Variants in PVT1 observed in about 807,000 individuals in gnomAD.
PVT1 encodes Pvt1 oncogene, also known as CXCR4/PVT1 fusion.
At chr8:128,043,366 G>A (rs879183151) in intron 4 of PVT1, among the ~76,000 whole-genome samples, 8 of 152,162 alleles carry the variant, frequency 5.3e-5, no homozygotes, top group Admixed American at 5.2e-4. Flanking sequence ...CTCACAGGCT[G>A]GGGGTCAGGA....
At position 127,974,391 on chromosome 8, in the gene PVT1, GCATCATCAT is replaced by G. The variant is rs151336453; in HGVS notation, n.783-14755_783-14747del. On this transcript the variant is annotated intron_variant and non_coding_transcript_variant, in intron 3 of 10. Coordinates refer to ENST00000651587, the Ensembl canonical transcript of PVT1. Reference sequence around the variant, plus strand: ...ATTGAAGTTTTCCCAAAAAAAGTCAGCATCATCATCATCATCATCATCATTATTATTAAT... The same window carrying G: ...ATTGAAGTTTTCCCAAAAAAAGTCAGCATCATCATCATCATTATTATTAAT... 4.6e-5 allele frequency among the ~76,000 whole-genome samples: 7 copies of G among 151,866 alleles called. No homozygotes were observed. The South Asian group carries it at 1.5e-3, about 32-fold the overall frequency.
chr8:128,026,411 C>G (rs192846726), intron 4 of PVT1, among the ~76,000 whole-genome samples: 119 of 152,122 alleles, frequency 7.8e-4, no homozygotes, highest in African/African-American at 2.7e-3. Flanking sequence ...TTTGGGCTCT[C>G]ATTTAATCTC....
At chr8:128,068,999 A>T (rs1813948294) in intron 4 of PVT1, among the ~76,000 whole-genome samples, 1 of 152,220 alleles carries the variant, frequency 6.6e-6, no homozygotes, top group African/African-American at 2.4e-5. Flanking sequence ...CTTGCAGCCT[A>T]TTGCACTTCA....
At chr8:127,902,442 A>G (rs903716536) in intron 3 of PVT1, among the ~76,000 whole-genome samples, 20 of 128,728 alleles carry the variant, frequency 1.6e-4, no homozygotes, top group African/African-American at 5.7e-4. Flanking sequence ...TTTTTTTTTC[A>G]CTTTTTATTT....
At chr8:128,072,932 C>A (rs1814015337) in intron 5 of PVT1, among the ~76,000 whole-genome samples, 1 of 152,076 alleles carries the variant, frequency 6.6e-6, no homozygotes, top group African/African-American at 2.4e-5. Context: ...CTCCTGGGTT[C>A]CAGCAATTCT....
chr8:127,866,558 G>A (rs1049894713), intron 2 of PVT1, among the ~76,000 whole-genome samples: 3 of 152,130 alleles, frequency 2.0e-5, no homozygotes, highest in Non-Finnish European at 4.4e-5. Context: ...CTATCTAATA[G>A]AGACAGGAGT....
chr8:127,990,814 C>G (rs898243977), intron 4 of PVT1, among the ~76,000 whole-genome samples: 2 of 152,220 alleles, frequency 1.3e-5, no homozygotes, highest in African/African-American at 2.4e-5. Context: ...GGTGGGGATA[C>G]TGGCACACAT....
chr8:128,091,479 C>T (rs1380025307), intron 5 of PVT1, among the ~76,000 whole-genome samples: 1 of 152,196 alleles, frequency 6.6e-6, no homozygotes, highest in Non-Finnish European at 1.5e-5. Context: ...CCAACATGTC[C>T]TTTACATTCT....
At chr8:127,850,718 G>C (rs1815098164) in intron 2 of PVT1, among the ~76,000 whole-genome samples, 1 of 152,204 alleles carries the variant, frequency 6.6e-6, no homozygotes, top group Non-Finnish European at 1.5e-5. Context: ...GCCTTTTTAA[G>C]TTAAGAACAT....
At chr8:128,047,996 T>G (rs1451707940) in intron 4 of PVT1, among the ~76,000 whole-genome samples, 1 of 152,228 alleles carries the variant, frequency 6.6e-6, no homozygotes, top group Non-Finnish European at 1.5e-5. Context: ...ATGCTGACTT[T>G]TTAAAGAATA....
chr8:127,999,575 C>T (rs992288162), intron 4 of PVT1, among the ~76,000 whole-genome samples: 2 of 152,060 alleles, frequency 1.3e-5, no homozygotes, highest in African/African-American at 2.4e-5. Flanking sequence ...GATCCTCCTG[C>T]GTCAGCCTCC....
intron 3 of PVT1, among the ~76,000 whole-genome samples, chr8:127,983,666 C>T (rs1403974298): frequency 6.6e-6 from 1 of 152,082 alleles, no homozygotes; most frequent in African/African-American, 2.4e-5. Context: ...GTGTGCTCCC[C>T]AAGGATAACG....
intron 4 of PVT1, among the ~76,000 whole-genome samples, chr8:128,016,543 T>C (rs1452365773): frequency 1.3e-5 from 2 of 152,222 alleles, no homozygotes; most frequent in African/African-American, 4.8e-5. Context: ...ATGAATGGAA[T>C]GGCTAATGCT....
intron 2 of PVT1, among the ~76,000 whole-genome samples, chr8:127,882,453 G>A (rs1310353764): frequency 6.6e-6 from 1 of 152,074 alleles, no homozygotes; most frequent in Non-Finnish European, 1.5e-5. Flanking sequence ...AGATAAAGGA[G>A]ACATCGTCTT....
At chr8:127,894,049 A>T (rs958439793) in intron 3 of PVT1, among the ~76,000 whole-genome samples, 2 of 152,196 alleles carry the variant, frequency 1.3e-5, no homozygotes, top group Non-Finnish European at 2.9e-5. Context: ...TCAGCCACTT[A>T]GAAGAGCCCT....
intron 2 of PVT1, among the ~76,000 whole-genome samples, chr8:127,796,493 C>T (rs1241909799): frequency 6.6e-6 from 1 of 151,994 alleles, no homozygotes; most frequent in Non-Finnish European, 1.5e-5. Context: ...TTTTCCGCCT[C>T]CTGAGCGGTA....
chr8:127,918,053 A>G (rs1428676747), intron 3 of PVT1, among the ~76,000 whole-genome samples: 2 of 152,370 alleles, frequency 1.3e-5, no homozygotes, highest in South Asian at 2.1e-4. Flanking sequence ...TGATGAAAGT[A>G]GTTGACATTT....
At position 127,970,443 on chromosome 8, in the gene PVT1, G is replaced by A. The variant is rs550784723; in HGVS notation, n.783-18719G>A. ...CTCCCGAGTAGCTGGGACTACAGGC[G>A]CCCGCCACCATGCCTGGCTAATTTT... On this transcript the variant is annotated intron_variant and non_coding_transcript_variant, in intron 3 of 10. Coordinates refer to ENST00000651587, the Ensembl canonical transcript of PVT1. 1.1e-4 allele frequency among the ~76,000 whole-genome samples: 16 copies of A among 151,882 alleles called. No homozygotes were observed. In the South Asian group the frequency reaches 1.3e-3, roughly 12 times the overall value.
In PVT1 at chr8:127,830,742, T is replaced by G. The variant is rs144149843; in HGVS notation, n.372+34671T>G. On this transcript the variant is annotated intron_variant and non_coding_transcript_variant, in intron 2 of 10. Coordinates refer to ENST00000651587, the Ensembl canonical transcript of PVT1. ...CTGTGAGGGTGTTGCCAAAGGAGATTAACATTTGAGTCAGTGGGCTGGGGA... is the reference window on the plus strand; with the variant it reads ...CTGTGAGGGTGTTGCCAAAGGAGATGAACATTTGAGTCAGTGGGCTGGGGA... 2.6e-3 allele frequency among the ~76,000 whole-genome samples: 399 copies of G among 152,138 alleles called. 2 individuals carry two copies. The highest frequency in any genetic ancestry group is 9.1e-3 in the African/African-American group (378 of 41,492).
Sources: allele counts gnomAD v4.1 joint callset (sites outside exome capture counted in the v4.1 genomes callset), GRCh38; gene constraint gnomAD v4.1.1; transcripts MANE v1.5; gene names NCBI Gene and HGNC (gene_info 2026-07-23, HGNC 2026-07-21).